Variants in ANO2 observed in about 807,000 individuals in gnomAD.
The protein encoded by ANO2 is anoctamin-2.
A neutral mutation model predicts 124.2 loss-of-function variants in ANO2; 101 were observed. The ratio of observed to expected loss-of-function variants is 0.81; its 90% CI spans 0.69 to 0.96. The LOEUF is 0.96. ANO2 is among the 40% of genes least tolerant of loss of function. The pLI is 0.00. For synonymous variants in ANO2, 486 were observed against 482.5 expected, an observed-to-expected ratio of 1.01 and a Z score of -0.09; for missense variants, 1,293 against 1,274.5, an observed-to-expected ratio of 1.01 and a Z score of -0.22.
chr12:5,925,865 C>A lies in ANO2; in HGVS notation c.23-3061G>T, dbSNP rs1244410130. On this transcript the variant is annotated intron_variant, in intron 1 of 24. Coordinates refer to ENST00000682330, the MANE Select transcript of ANO2 (RefSeq NM_001364791.2). This position sits in a 1 kb window ranked among gnomAD's most constrained non-coding sequence, Gnocchi z 4.6. Reference sequence around the variant, plus strand: ...AGGCTGGGGCCTGGGCCTTTCTCCACGTTCCAGCTCTCTCCCTGGGCACTC... The same window carrying A: ...AGGCTGGGGCCTGGGCCTTTCTCCAAGTTCCAGCTCTCTCCCTGGGCACTC... Among the ~76,000 whole-genome samples, 1 of 152,230 alleles carries A rather than the reference C, an allele frequency of 6.6e-6. No homozygotes were observed. Among genetic ancestry groups the A allele is most frequent in the Non-Finnish European group, 1.5e-5 (1 of 68,042 alleles).
chr12:5,738,223 A>G (rs1950952881), intron 13 of ANO2, among the ~76,000 whole-genome samples: 1 of 152,264 alleles, frequency 6.6e-6, no homozygotes, highest in African/African-American at 2.4e-5. Context: ...AGAAATGGTG[A>G]CATGCCACAG....
chr12:5,793,227 C>T (rs1952749830), intron 10 of ANO2, among the ~76,000 whole-genome samples: 1 of 152,096 alleles, frequency 6.6e-6, no homozygotes, highest in South Asian at 2.1e-4. Context: ...TCATGACTTC[C>T]TATGGGCTAG....
At chr12:5,572,198 T>G (rs1438167308) in intron 23 of ANO2, among the ~76,000 whole-genome samples, 1 of 152,124 alleles carries the variant, frequency 6.6e-6, no homozygotes, top group African/African-American at 2.4e-5. Flanking sequence ...ATATGGAGTT[T>G]GTTTTTTTCT....
intron 10 of ANO2, among the ~76,000 whole-genome samples, chr12:5,797,962 A>G (rs1373202954): frequency 6.6e-6 from 1 of 152,224 alleles, no homozygotes; most frequent in East Asian, 1.9e-4. Flanking sequence ...AACCGAGTGC[A>G]TATTGGAGCC....
At chr12:5,930,736 A>G (rs1361523223) in intron 1 of ANO2, among the ~76,000 whole-genome samples, 1 of 152,090 alleles carries the variant, frequency 6.6e-6, no homozygotes, top group East Asian at 1.9e-4. Flanking sequence ...CCAGGCTTAA[A>G]ATTTGGGCCC....
intron 15 of ANO2, among the ~76,000 whole-genome samples, chr12:5,642,801 G>T (rs887476723): frequency 6.6e-6 from 1 of 152,112 alleles, no homozygotes; most frequent in Non-Finnish European, 1.5e-5. Flanking sequence ...ACTCCCCGCT[G>T]CAGAGTGCTC....
At chr12:5,783,644 C>A (rs1269666369) in intron 10 of ANO2, among the ~76,000 whole-genome samples, 2 of 152,166 alleles carry the variant, frequency 1.3e-5, no homozygotes, top group African/African-American at 4.8e-5. Context: ...GAAGATGGGG[C>A]CACCCTTGAG....
At chr12:5,741,761 A>C (rs1305028848) in intron 12 of ANO2, among the ~76,000 whole-genome samples, 1 of 152,204 alleles carries the variant, frequency 6.6e-6, no homozygotes, top group Non-Finnish European at 1.5e-5. Flanking sequence ...ACTGTGGGGT[A>C]GGTATTATTT....
At chr12:5,571,993 T>A (rs754887531) in intron 23 of ANO2, among the ~76,000 whole-genome samples, 46 of 152,170 alleles carry the variant, frequency 3.0e-4, no homozygotes, top group Middle Eastern at 3.2e-3. Context: ...AACATCTACC[T>A]ATATTTCACA....
chr12:5,679,940 T>C (rs1420073288), intron 14 of ANO2, among the ~76,000 whole-genome samples: 1 of 152,182 alleles, frequency 6.6e-6, no homozygotes, highest in Non-Finnish European at 1.5e-5. Context: ...AGATACGCCA[T>C]AGAACACTAT....
intron 23 of ANO2, among the ~76,000 whole-genome samples, chr12:5,573,187 T>C (rs75434529): frequency 0.017 from 2,529 of 152,266 alleles, 32 homozygotes; most frequent in Non-Finnish European, 0.027. Flanking sequence ...AAAACTTGCC[T>C]AAGATTAGAT....
intron 9 of ANO2, among the ~76,000 whole-genome samples, chr12:5,800,085 T>C (rs1952993050): frequency 6.6e-6 from 1 of 152,158 alleles, no homozygotes; most frequent in Admixed American, 6.5e-5. Context: ...GGTGCTGTTG[T>C]AGACAGGATG....
In ANO2 at chr12:5,927,307, C is replaced by A. The variant is rs563313448; in HGVS notation, c.23-4503G>T. ...AGTGGCCTCAGGTGAGACCTCTGTC[C>A]CTTCTCATTGGAGCCAACCTCACCA... On this transcript the variant is annotated intron_variant, in intron 1 of 24. Transcript: ENST00000682330. Among the ~76,000 whole-genome samples, 50 of 152,330 alleles carry A rather than the reference C, an allele frequency of 3.3e-4. No individual in the cohort carries two copies. In the South Asian group the frequency reaches 4.6e-3, roughly 14 times the overall value.
intron 10 of ANO2, among the ~76,000 whole-genome samples, chr12:5,781,998 A>G (rs1365212594): frequency 6.6e-6 from 1 of 152,246 alleles, no homozygotes; most frequent in Non-Finnish European, 1.5e-5. Context: ...AGTCTACTAT[A>G]TTCTTACTGA....
At position 5,575,992 on chromosome 12, in the gene ANO2, G is replaced by A. The variant is rs557289461; in HGVS notation, c.2463C>T (p.Ser821=). 26 of 1,609,150 alleles carry A rather than the reference G, an allele frequency of 1.6e-5. No homozygotes were observed. Among genetic ancestry groups the A allele is most frequent in the Middle Eastern group, 3.3e-4 (2 of 6,056 alleles). The part of the protein sequence containing the change: ...ISNAFVIAIT[S]DFIPRLVYQY... Reference sequence around the variant, plus strand: ...GGTACACCAGGCGGGGGATAAAGTCGGAGGTGATCGCAATGACAAAAGCCT... The same window carrying A: ...GGTACACCAGGCGGGGGATAAAGTCAGAGGTGATCGCAATGACAAAAGCCT... The change falls in exon 23 of 25, where the codon TCC becomes TCT. Residue 821 remains serine, a synonymous_variant. Coordinates refer to ENST00000682330, the MANE Select transcript of ANO2 (RefSeq NM_001364791.2).
chr12:5,853,577 A>C (rs11063888), intron 4 of ANO2, among the ~76,000 whole-genome samples: 40,884 of 152,018 alleles, frequency 0.27, 6,821 homozygotes, highest in Middle Eastern at 0.38. Flanking sequence ...GATAAGTGAA[A>C]CCCACCAAAC....
intron 14 of ANO2, among the ~76,000 whole-genome samples, chr12:5,697,108 C>CT (rs1283961486): frequency 6.6e-6 from 1 of 152,156 alleles, no homozygotes; most frequent in Admixed American, 6.5e-5. Flanking sequence ...ACTGGTCATA[C>CT]AGTAGAACTA....
At chr12:5,798,075 C>T (rs1185125376) in intron 10 of ANO2, among the ~76,000 whole-genome samples, 1 of 151,920 alleles carries the variant, frequency 6.6e-6, no homozygotes, top group African/African-American at 2.4e-5. Context: ...TTAAAAAAAA[C>T]AAAAACAAAT....
In ANO2 at chr12:5,655,789, G is replaced by A. The variant is rs146665428; in HGVS notation, c.1546-7988C>T. Among the ~76,000 whole-genome samples the A allele has an allele frequency of 1.7e-3, 255 of 152,324 alleles. 4 individuals are homozygous for A. Among genetic ancestry groups the A allele is most frequent in the African/African-American group, 6.0e-3 (248 of 41,564 alleles). ...AAGTGGCAGCTCTGGAATCCAATGT[G>A]TGTGAGTCCAGTGCCTTCCTTGTAC... On this transcript the variant is annotated intron_variant, in intron 14 of 24. Transcript: ENST00000682330.
Sources: allele counts gnomAD v4.1 joint callset (sites outside exome capture counted in the v4.1 genomes callset), GRCh38; gene constraint gnomAD v4.1.1; non-coding constraint Gnocchi (gnomAD v3.1); transcripts MANE v1.5; gene names NCBI Gene and HGNC (gene_info 2026-07-23, HGNC 2026-07-21).